Variants in DCAF6 observed in about 807,000 individuals in gnomAD.
DCAF6 encodes the protein DDB1 and CUL4 associated factor 6, also known as DDB1- and CUL4-associated factor 6.
Under a neutral mutation model 125.1 loss-of-function variants are expected in DCAF6, and 54 were observed. The observed-to-expected ratio is 0.43, with a 90% CI of 0.35 to 0.54. The LOEUF is 0.54. DCAF6 is among the 20% of genes least tolerant of loss of function. The probability of loss-of-function intolerance (pLI) is 0.01; values close to 1 mark genes in which losing one functional copy is unlikely to be tolerated. For synonymous variants in DCAF6, 371 were observed against 390.4 expected (o/e 0.95, Z 0.58); for missense variants, 934 against 1,161.7 (o/e 0.80, Z 2.85).
At chr1:167,952,067 C>T (rs1457177881) in intron 2 of DCAF6, among the ~76,000 whole-genome samples, 2 of 152,118 alleles carry the variant, frequency 1.3e-5, no homozygotes, top group Non-Finnish European at 2.9e-5. Flanking sequence ...CTAATATTAT[C>T]GAAAGGCTTC....
chr1:167,891,228 G>A, the DCAF6 span, among the ~76,000 whole-genome samples: 2 of 151,932 alleles, frequency 1.3e-5, no homozygotes, highest in African/African-American at 4.8e-5. Flanking sequence ...CCAAAGTGCT[G>A]GGATTACAGG....
intron 1 of DCAF6, among the ~76,000 whole-genome samples, chr1:167,940,316 C>T (rs1465033609): frequency 6.6e-6 from 1 of 152,058 alleles, no homozygotes; most frequent in Non-Finnish European, 1.5e-5. Context: ...GAGGATAGGC[C>T]AGGGATTTTA....
chr1:168,071,414 G>A (rs529857398), intron 21 of DCAF6, among the ~76,000 whole-genome samples: 2 of 152,024 alleles, frequency 1.3e-5, no homozygotes, highest in African/African-American at 4.8e-5. Flanking sequence ...GACCAGCCTC[G>A]CCAACATGGC....
chr1:168,001,540 T>A, intron 7 of DCAF6, among the ~76,000 whole-genome samples: 1 of 151,332 alleles, frequency 6.6e-6, no homozygotes, highest in South Asian at 2.1e-4. Context: ...GAAGGAGGAG[T>A]GGTAGATTGA....
the DCAF6 span, among the ~76,000 whole-genome samples, chr1:167,894,659 T>G: frequency 6.6e-6 from 1 of 151,974 alleles, no homozygotes; most frequent in Non-Finnish European, 1.5e-5. Flanking sequence ...TGGTCCTGAT[T>G]TGTAGCCTTT....
chr1:168,018,103 A>G (rs1377914726), intron 11 of DCAF6, among the ~76,000 whole-genome samples: 5 of 152,226 alleles, frequency 3.3e-5, no homozygotes, highest in African/African-American at 1.2e-4. Context: ...GAAATCAGTA[A>G]TACCTAATTC....
At chr1:168,024,823 G>T (rs1371862171) in intron 12 of DCAF6, among the ~76,000 whole-genome samples, 3 of 144,732 alleles carry the variant, frequency 2.1e-5, no homozygotes, top group East Asian at 2.0e-4. Context: ...AAAAAAAAAA[G>T]ATTATTCCTT....
chr1:167,903,957 G>T, the DCAF6 span: 1 of 1,613,944 alleles, frequency 6.2e-7, no homozygotes. Flanking sequence ...CCATGTACAT[G>T]GCACTGCTGA....
the DCAF6 span, among the ~76,000 whole-genome samples, chr1:167,871,866 T>A: frequency 6.6e-6 from 1 of 152,210 alleles, no homozygotes; most frequent in Non-Finnish European, 1.5e-5. Flanking sequence ...TTTCGTGAGA[T>A]GTTTTGTGTT....
chr1:167,985,626 G>T (rs1679891277), intron 4 of DCAF6, among the ~76,000 whole-genome samples: 1 of 152,012 alleles, frequency 6.6e-6, no homozygotes, highest in Non-Finnish European at 1.5e-5. Context: ...AATCCTTTTT[G>T]CAGTATAAGG....
chr1:167,891,975 T>C, the DCAF6 span, among the ~76,000 whole-genome samples: 1 of 148,788 alleles, frequency 6.7e-6, no homozygotes, highest in Admixed American at 6.6e-5. Flanking sequence ...TTTTTTCTTT[T>C]CTTTTTTTTT....
intron 6 of DCAF6, among the ~76,000 whole-genome samples, chr1:167,991,765 T>G (rs951478603): frequency 6.6e-6 from 1 of 152,182 alleles, no homozygotes; most frequent in Non-Finnish European, 1.5e-5. Context: ...GAATCACTCT[T>G]AATCTCTGCC....
rs141154760 is a variant in DCAF6, at chr1:168,052,987, G to A, written c.2300+2054G>A. On this transcript the variant is annotated intron_variant, in intron 17 of 21. Transcript: ENST00000367840. ...TCATGCTGTCTACATTGCCATACTT[G>A]GAGTGTCACTGAATACATTCAGAGG... is the stretch of plus-strand genomic sequence containing the variant. Among the ~76,000 whole-genome samples the A allele has an allele frequency of 3.6e-3, 542 of 152,232 alleles. 2 individuals are homozygous for A. The highest frequency in any genetic ancestry group is 6.0e-3 in the Non-Finnish European group (411 of 68,004).
chr1:167,875,736 G>A, the DCAF6 span, among the ~76,000 whole-genome samples: 2 of 151,840 alleles, frequency 1.3e-5, no homozygotes, highest in Non-Finnish European at 2.9e-5. Flanking sequence ...AGATCACGAG[G>A]TCAGGAGATC....
chr1:167,922,835 C>G, the DCAF6 span, among the ~76,000 whole-genome samples: 2 of 152,100 alleles, frequency 1.3e-5, no homozygotes, highest in African/African-American at 4.8e-5. Context: ...TTACAACAGC[C>G]CATCACTCAA....
the DCAF6 span, among the ~76,000 whole-genome samples, chr1:167,881,322 T>G: frequency 1.3e-5 from 2 of 152,202 alleles, no homozygotes; most frequent in Non-Finnish European, 2.9e-5. Context: ...AAAAGGGCAT[T>G]GTGAATAAAG....
chr1:167,974,111 T>A (rs1677773913), intron 3 of DCAF6, among the ~76,000 whole-genome samples: 1 of 152,142 alleles, frequency 6.6e-6, no homozygotes, highest in African/African-American at 2.4e-5. Flanking sequence ...TAATTTCAAT[T>A]TGCATTTCCC....
intron 1 of DCAF6, among the ~76,000 whole-genome samples, chr1:167,944,117 CAG>C (rs772536160): frequency 1.5e-4 from 23 of 152,322 alleles, no homozygotes; most frequent in African/African-American, 2.2e-4. Flanking sequence ...GCTGGGATCA[CAG>C]GGGTGAGCCA....
intron 12 of DCAF6, among the ~76,000 whole-genome samples, chr1:168,026,989 C>T (rs929624393): frequency 1.3e-5 from 2 of 151,828 alleles, no homozygotes; most frequent in African/African-American, 2.4e-5. Context: ...GAGAGAAGTA[C>T]GCAGGGCAGA....
Sources: gnomAD v4.1 joint callset for allele counts (sites outside exome capture counted in the v4.1 genomes callset) on GRCh38, gnomAD v4.1.1 for gene constraint, MANE v1.5 for transcripts, NCBI Gene and HGNC (gene_info 2026-07-23, HGNC 2026-07-21) for gene names.